The following TRIM49 variants were observed in gnomAD, a reference collection of about 807,000 sequenced individuals.
The protein encoded by TRIM49 is tripartite motif containing 49.
In TRIM49, 5 loss-of-function variants were observed where a neutral mutation model predicts 27.4. The ratio of observed to expected loss-of-function variants is 0.18; its 90% CI spans 0.10 to 0.38. TRIM49 has a LOEUF of 0.38. Among genes scored for constraint, TRIM49 ranks in the 10% least tolerant of loss-of-function variants. The probability of loss-of-function intolerance (pLI) is 1.00; values close to 1 mark genes in which losing one functional copy is unlikely to be tolerated. For synonymous variants in TRIM49, 69 were observed against 166.0 expected (o/e 0.42, Z 4.49); for missense variants, 188 against 487.5 (o/e 0.39, Z 5.79).
At chr11:89,768,674 A>G in the TRIM49 span, 5 of 399,008 alleles carry the variant, frequency 1.3e-5, no homozygotes, top group South Asian at 3.9e-5. Context: ...ACACAAACAC[A>G]TAAGTACACA....
At chr11:89,767,865 G>A in the TRIM49 span, among the ~76,000 whole-genome samples, 2 of 136,378 alleles carry the variant, frequency 1.5e-5, no homozygotes, top group African/African-American at 3.4e-5. Flanking sequence ...AAATTGAAAC[G>A]TCCTGAATTA....
At chr11:89,802,989 C>T (rs981306415) in intron 4 of TRIM49, among the ~76,000 whole-genome samples, 9 of 150,654 alleles carry the variant, frequency 6.0e-5, no homozygotes, top group South Asian at 2.1e-4. Flanking sequence ...ACTAGGTTCT[C>T]ATGAAATACT....
the TRIM49 span, chr11:89,768,058 A>G: frequency 2.0e-6 from 1 of 497,046 alleles, no homozygotes; most frequent in East Asian, 4.4e-5. Context: ...TAGTGAAACT[A>G]TAAATATAAA....
At chr11:89,768,765 T>C in the TRIM49 span, 1 of 499,118 alleles carries the variant, frequency 2.0e-6, no homozygotes, top group Non-Finnish European at 4.0e-6. Flanking sequence ...CTTGATGTTT[T>C]TCACAGCACG....
At chr11:89,776,770 A>G in the TRIM49 span, among the ~76,000 whole-genome samples, 3 of 151,932 alleles carry the variant, frequency 2.0e-5, no homozygotes, top group African/African-American at 7.3e-5. Context: ...CCTGAACCAA[A>G]TCTTCAATGG....
chr11:89,793,916 G>C (rs1591510470), downstream of TRIM49, among the ~76,000 whole-genome samples: 2 of 151,506 alleles, frequency 1.3e-5, no homozygotes, highest in African/African-American at 4.8e-5. Flanking sequence ...AGAAATAAAG[G>C]GTATTCAATT....
downstream of TRIM49, among the ~76,000 whole-genome samples, chr11:89,792,719 G>C (rs1411746976): frequency 6.6e-6 from 1 of 152,024 alleles, no homozygotes; most frequent in Non-Finnish European, 1.5e-5. Context: ...ACAACATACT[G>C]GAATCTCTGG....
At chr11:89,768,188 C>G in the TRIM49 span, 2 of 1,349,996 alleles carry the variant, frequency 1.5e-6, no homozygotes, top group Non-Finnish European at 2.0e-6. Flanking sequence ...GCCACACTCA[C>G]CTCGGAAGTG....
At chr11:89,785,289 C>T in the TRIM49 span, among the ~76,000 whole-genome samples, 12 of 139,738 alleles carry the variant, frequency 8.6e-5, no homozygotes, top group African/African-American at 1.4e-4. Flanking sequence ...GAATGGAGGG[C>T]GAAAAAGGAG....
At chr11:89,792,965 T>C (rs563542107), downstream of TRIM49, among the ~76,000 whole-genome samples, 3 of 152,218 alleles carry the variant, frequency 2.0e-5, no homozygotes, top group South Asian at 6.2e-4. Flanking sequence ...AGCTGGTTTT[T>C]TGAAAAGATC....
chr11:89,794,359 A>C (rs1173770916), downstream of TRIM49, among the ~76,000 whole-genome samples: 3 of 132,476 alleles, frequency 2.3e-5, no homozygotes, highest in African/African-American at 8.5e-5. Context: ...GCTACCAATG[A>C]CTTTCTTCAC....
chr11:89,798,710 T>A, intron 7 of TRIM49, 81 bp from the exon 8 acceptor site: 1 of 1,379,550 alleles, frequency 7.2e-7, no homozygotes. Flanking sequence ...GAAGTTACTT[T>A]ACCAGCAAAT....
the TRIM49 span, among the ~76,000 whole-genome samples, chr11:89,785,071 A>T: frequency 7.4e-5 from 11 of 149,162 alleles, no homozygotes; most frequent in South Asian, 1.5e-3. Flanking sequence ...TTTTATCCCT[A>T]AAAGAAGTTA....
the TRIM49 span, among the ~76,000 whole-genome samples, chr11:89,790,722 G>A: frequency 2.0e-5 from 3 of 151,872 alleles, no homozygotes; most frequent in Non-Finnish European, 4.4e-5. Flanking sequence ...CAAACAGAAA[G>A]GACATCCACA....
intron 7 of TRIM49, 40 bp from the exon 8 acceptor site, chr11:89,798,669 G>A: frequency 1.4e-6 from 2 of 1,464,996 alleles, no homozygotes; most frequent in Non-Finnish European, 1.8e-6. Context: ...ATAGACATGT[G>A]TAAATAAGAA....
chr11:89,800,108 C>G (rs1455936884), intron 6 of TRIM49, among the ~76,000 whole-genome samples: 1 of 150,492 alleles, frequency 6.6e-6, no homozygotes, highest in Admixed American at 6.6e-5. Flanking sequence ...CTGAGTTCCA[C>G]TTCTTGGCAG....
chr11:89,803,090 T>G (rs572102225), intron 4 of TRIM49, among the ~76,000 whole-genome samples: 183 of 150,052 alleles, frequency 1.2e-3, no homozygotes, highest in Non-Finnish European at 2.3e-3. Context: ...TCCTCAGAGT[T>G]CTCCTTATGT....
the TRIM49 span, chr11:89,789,707 T>C: frequency 6.6e-6 from 1 of 152,088 alleles, no homozygotes; most frequent in African/African-American, 2.4e-5. Flanking sequence ...ATCTGACCCT[T>C]GTTGGGTTGC....
chr11:89,787,787 C>A, the TRIM49 span: 46 of 565,252 alleles, frequency 8.1e-5, 1 homozygote, highest in Middle Eastern at 9.2e-4. Flanking sequence ...CGAGAAGAAG[C>A]GCCAGGCCAA....
Sources: allele counts gnomAD v4.1 joint callset (sites outside exome capture counted in the v4.1 genomes callset), GRCh38; gene constraint gnomAD v4.1.1; transcripts MANE v1.5; gene names NCBI Gene and HGNC (gene_info 2026-07-23, HGNC 2026-07-21).